CDS2: variants seen among roughly 807,000 people sequenced by gnomAD.
The protein encoded by CDS2 is CDP-diacylglycerol synthase 2, also known as phosphatidate cytidylyltransferase 2.
In CDS2, 47 loss-of-function variants were observed where a neutral mutation model predicts 59.0. The observed-to-expected ratio is 0.80, with a 90% CI of 0.63 to 1.02. The LOEUF is 1.02. Ranked by LOEUF, CDS2 falls within the 50% of genes least tolerant of loss-of-function variation. CDS2 has a pLI of 0.00. For missense variants in CDS2, 356 were observed against 558.9 expected (o/e 0.64, Z 3.66); for synonymous variants, 207 against 206.4 (o/e 1.00, Z -0.02).
rs777113874 is a variant in CDS2 at position 5,182,456 on chromosome 20, T to A, written c.588+11T>A. ...CTGCAGTTCTACATGGTAAAGGAAA[T>A]GCATGCGTGTGTGTCAGAATTCTTG... On this transcript the variant is annotated intron_variant, in intron 6 of 12. Transcript: ENST00000460006. 2 of 1,607,174 alleles carry A rather than the reference T, an allele frequency of 1.2e-6. No individual in the cohort carries two copies. The highest frequency in any genetic ancestry group is 1.7e-6 in the Non-Finnish European group (2 of 1,176,088).
chr20:5,145,243 C>CT (rs2090731937), intron 1 of CDS2, among the ~76,000 whole-genome samples: 1 of 109,270 alleles, frequency 9.2e-6, no homozygotes, highest in African/African-American at 3.4e-5. Context: ...AAGACCCCCC[C>CT]CCCCGCCCCC....
At chr20:5,176,011 G>A (rs2090992328) in intron 3 of CDS2, 1 of 153,446 alleles carries the variant, frequency 6.5e-6, no homozygotes, top group Non-Finnish European at 1.5e-5. Context: ...TGTGAGCAAA[G>A]CATTTGACTT....
intron 1 of CDS2, among the ~76,000 whole-genome samples, chr20:5,134,520 T>C (rs2090632814): frequency 6.6e-6 from 1 of 152,196 alleles, no homozygotes; most frequent in East Asian, 1.9e-4. Context: ...TTTATTTTTA[T>C]TTATCTATTT....
At chr20:5,128,873 C>G (rs1257376551) in intron 1 of CDS2, 1 of 152,144 alleles carries the variant, frequency 6.6e-6, no homozygotes, top group Non-Finnish European at 1.5e-5. Flanking sequence ...GGCATGATAG[C>G]TGGTGGGCCA....
intron 5 of CDS2, among the ~76,000 whole-genome samples, chr20:5,180,866 G>A (rs2091028764): frequency 6.6e-6 from 1 of 152,180 alleles, no homozygotes; most frequent in South Asian, 2.1e-4. Flanking sequence ...CTGATTAGGG[G>A]CAATGATATT....
intron 1 of CDS2, among the ~76,000 whole-genome samples, chr20:5,151,083 C>T (rs1016147405): frequency 6.6e-6 from 1 of 152,220 alleles, no homozygotes; most frequent in African/African-American, 2.4e-5. Flanking sequence ...GCAGTGAGAA[C>T]CAGGCCTCTG....
intron 1 of CDS2, 79 bp from the exon 2 acceptor site, chr20:5,173,444 C>T: frequency 6.6e-7 from 1 of 1,519,432 alleles, no homozygotes; most frequent in African/African-American, 1.4e-5. Context: ...CCCCACAGAT[C>T]TCTCATGACA....
intron 2 of CDS2, among the ~76,000 whole-genome samples, chr20:5,174,193 T>C (rs1041804991): frequency 6.6e-6 from 1 of 152,202 alleles, no homozygotes; most frequent in Non-Finnish European, 1.5e-5. Context: ...CACAGCTATG[T>C]GAGTAGATCA....
rs528700329 is a variant in CDS2, at chr20:5,192,527, A to G, written c.*2293A>G. The stretch of plus-strand genomic sequence containing the variant: ...TGCCACCTTGTGTCCATATAGCACA[A>G]TGTTTCTCTTTCCTATTCACAGACA... On this transcript the variant is annotated 3_prime_UTR_variant, in exon 13 of 13. Coordinates refer to ENST00000460006, the MANE Select transcript of CDS2 (RefSeq NM_003818.4). 2 of 152,366 alleles carry G rather than the reference A, an allele frequency of 1.3e-5. No individual in the cohort carries two copies. The highest frequency in any genetic ancestry group is 6.5e-5 in the Admixed American group (1 of 15,302). The allele number at this position is 152,366 out of a possible 1,614,324, so 9.4% of individuals were successfully genotyped here. A position where few individuals can be genotyped will look rare whatever the true frequency, so the allele number is the denominator to read the frequency against.
chr20:5,152,983 A>G (rs2090804471), intron 1 of CDS2, among the ~76,000 whole-genome samples: 2 of 152,228 alleles, frequency 1.3e-5, no homozygotes, highest in Non-Finnish European at 2.9e-5. Flanking sequence ...GTAAAAGGTC[A>G]GCAATACTAT....
chr20:5,144,467 G>A (rs2090723018), intron 1 of CDS2, among the ~76,000 whole-genome samples: 1 of 152,136 alleles, frequency 6.6e-6, no homozygotes, highest in Admixed American at 6.5e-5. Context: ...TGTTCCTGTG[G>A]AGCTCCCTGA....
Position 5,184,916 on chromosome 20 carries a change from T to A in CDS2, c.730T>A (p.Phe244Ile). 2 of 1,613,862 alleles carry A rather than the reference T, an allele frequency of 1.2e-6. No individual in the cohort carries two copies. Among genetic ancestry groups the A allele is most frequent in the East Asian group, 2.2e-5 (1 of 44,874 alleles). The change falls in exon 8 of 13, where the codon TTT becomes ATT. Residue 244 changes from phenylalanine (F) to isoleucine (I), a missense_variant. Transcript: ENST00000460006. The surrounding 1 kb of genome is among the most constrained non-coding windows in gnomAD (Gnocchi z 4.3). ...CNDIMAYMFG[F>I]FFGRTPLIKL... ...TGACATCATGGCCTATATGTTTGGC[T>A]TTTTCTTTGGTCGGACCCCACTCAT...
chr20:5,186,656 C>T lies in CDS2; in HGVS notation c.829-31C>T, dbSNP rs1446784217. On this transcript the variant is annotated intron_variant, in intron 9 of 12. Transcript: ENST00000460006. ...TGGGCTGGATGGTTGGAACTTACTT[C>T]CTTGCCGGTCTCTCTGTTATTCCTC... is the stretch of plus-strand genomic sequence containing the variant. The T allele has an allele frequency of 1.9e-6, 3 of 1,611,262 alleles. No individual in the cohort carries two copies. The South Asian group carries it at 3.3e-5, about 18-fold the overall frequency.
chr20:5,183,508 T>C (rs1481008026), intron 7 of CDS2, among the ~76,000 whole-genome samples: 1 of 152,194 alleles, frequency 6.6e-6, no homozygotes, highest in African/African-American at 2.4e-5. Flanking sequence ...TGACAAAATA[T>C]ATACTAAAAG....
At chr20:5,153,415 T>C (rs60094603) in intron 1 of CDS2, among the ~76,000 whole-genome samples, 3,885 of 152,228 alleles carry the variant, frequency 0.026, 68 homozygotes, top group East Asian at 0.08. Context: ...TAATCACTGC[T>C]CCCCTCAGGG....
chr20:5,142,856 GT>G (rs887530935), intron 1 of CDS2, among the ~76,000 whole-genome samples: 4 of 151,858 alleles, frequency 2.6e-5, no homozygotes, highest in Non-Finnish European at 4.4e-5. Context: ...TGGGCACTTT[GT>G]TTTTTTATTT....
At chr20:5,144,176 A>G (rs899978020) in intron 1 of CDS2, among the ~76,000 whole-genome samples, 19 of 152,162 alleles carry the variant, frequency 1.2e-4, no homozygotes, top group African/African-American at 4.6e-4. Flanking sequence ...TGTATTTTAG[A>G]AACTTCTTGG....
intron 1 of CDS2, among the ~76,000 whole-genome samples, chr20:5,130,694 A>G (rs1215490912): frequency 1.3e-5 from 2 of 151,532 alleles, no homozygotes; most frequent in East Asian, 3.9e-4. Flanking sequence ...GAGGCAGGAG[A>G]ATCGCTTGAA....
intron 1 of CDS2, among the ~76,000 whole-genome samples, chr20:5,161,602 C>CT (rs750336866): frequency 1.8e-4 from 27 of 152,304 alleles, no homozygotes; most frequent in Non-Finnish European, 1.5e-4. Flanking sequence ...TATATTCTGC[C>CT]TTTTTCATGT....
Sources: gnomAD v4.1 joint callset for allele counts (sites outside exome capture counted in the v4.1 genomes callset) on GRCh38, gnomAD v4.1.1 for gene constraint, Gnocchi (gnomAD v3.1) non-coding constraint, MANE v1.5 for transcripts, NCBI Gene and HGNC (gene_info 2026-07-23, HGNC 2026-07-21) for gene names.